Variants in RPS6KC1 observed in about 807,000 individuals in gnomAD.
The protein encoded by RPS6KC1 is inactive ribosomal protein S6 kinase delta-1.
RPS6KC1 carries 54 observed loss-of-function variants against 103.8 expected under a neutral mutation model. That is an observed-to-expected ratio of 0.52 (90% CI 0.42 to 0.65). The LOEUF is 0.65. Ranked by LOEUF, RPS6KC1 falls within the 30% of genes least tolerant of loss-of-function variation. The probability of loss-of-function intolerance (pLI) is 0.00; values close to 1 mark genes in which losing one functional copy is unlikely to be tolerated. For synonymous variants in RPS6KC1, 439 were observed against 438.7 expected, an observed-to-expected ratio of 1.00 and a Z score of -0.01; for missense variants, 1,151 against 1,253.8, an observed-to-expected ratio of 0.92 and a Z score of 1.24.
At chr1:213,557,304 C>T in the RPS6KC1 span, among the ~76,000 whole-genome samples, 2 of 152,202 alleles carry the variant, frequency 1.3e-5, no homozygotes, top group Admixed American at 6.5e-5. Context: ...CCTGGCATCA[C>T]CTTTTTCCTA....
the RPS6KC1 span, chr1:213,819,086 C>A: frequency 6.6e-6 from 1 of 152,198 alleles, no homozygotes; most frequent in Non-Finnish European, 1.5e-5. Flanking sequence ...ATCTCTTTCA[C>A]ACCTCACAAC....
the RPS6KC1 span, among the ~76,000 whole-genome samples, chr1:213,788,022 C>T: frequency 6.6e-6 from 1 of 152,184 alleles, no homozygotes; most frequent in Non-Finnish European, 1.5e-5. Context: ...TCTGCATTCA[C>T]TCTACCCAGT....
At chr1:213,427,930 A>G in the RPS6KC1 span, among the ~76,000 whole-genome samples, 1 of 152,234 alleles carries the variant, frequency 6.6e-6, no homozygotes, top group East Asian at 1.9e-4. Flanking sequence ...AACAACATCC[A>G]GGGACTGAGG....
Position 213,220,548 on chromosome 1 carries a change from A to T in RPS6KC1, c.1045-9949A>T, listed in dbSNP as rs181800851. ...ACCATGTTGGTCAGGCTGGTCTCGA[A>T]CTCCTGGCCTCAGCAATCTGCCCGC... is the stretch of plus-strand genomic sequence containing the variant. On this transcript the variant is annotated intron_variant, in intron 8 of 14. Coordinates refer to ENST00000366960, the MANE Select transcript of RPS6KC1 (RefSeq NM_012424.6). 4.6e-5 allele frequency among the ~76,000 whole-genome samples: 7 copies of T among 152,168 alleles called. No homozygotes were observed. In the East Asian group the frequency reaches 7.7e-4, roughly 17 times the overall value.
At chr1:213,749,304 G>T in the RPS6KC1 span, among the ~76,000 whole-genome samples, 1 of 152,170 alleles carries the variant, frequency 6.6e-6, no homozygotes, top group African/African-American at 2.4e-5. Context: ...GTAGGACATC[G>T]AAGAAGCCTA....
the RPS6KC1 span, among the ~76,000 whole-genome samples, chr1:213,462,981 T>A: frequency 6.6e-6 from 1 of 152,248 alleles, no homozygotes; most frequent in African/African-American, 2.4e-5. Context: ...CATATGTTGC[T>A]GTGTAGAGGC....
the RPS6KC1 span, among the ~76,000 whole-genome samples, chr1:213,842,451 G>A: frequency 6.6e-6 from 1 of 151,976 alleles, no homozygotes; most frequent in Admixed American, 6.6e-5. Flanking sequence ...CAAGATGCAG[G>A]GACTGTTAGC....
the RPS6KC1 span, among the ~76,000 whole-genome samples, chr1:213,443,619 C>T: frequency 8.6e-5 from 13 of 151,946 alleles, no homozygotes; most frequent in South Asian, 4.2e-4. Flanking sequence ...GGTGAGCTGT[C>T]GGAAGTTTTG....
At chr1:213,683,786 G>A in the RPS6KC1 span, among the ~76,000 whole-genome samples, 1 of 152,096 alleles carries the variant, frequency 6.6e-6, no homozygotes, top group Non-Finnish European at 1.5e-5. Flanking sequence ...TTCTTTGGTG[G>A]TGGGCAGGGG....
the RPS6KC1 span, among the ~76,000 whole-genome samples, chr1:213,445,756 G>A: frequency 6.6e-6 from 1 of 152,210 alleles, no homozygotes; most frequent in Non-Finnish European, 1.5e-5. Flanking sequence ...TGGGAAATGG[G>A]GACTGGAGCA....
the RPS6KC1 span, among the ~76,000 whole-genome samples, chr1:213,299,613 C>A: frequency 1.3e-5 from 2 of 150,518 alleles, no homozygotes; most frequent in African/African-American, 2.4e-5. Flanking sequence ...TTTCTAGTGG[C>A]CACATTAAAA....
chr1:213,545,436 AG>A, the RPS6KC1 span, among the ~76,000 whole-genome samples: 28,913 of 84,068 alleles, frequency 0.34, 3,629 homozygotes, highest in East Asian at 0.53. Flanking sequence ...AAAATAAAAG[AG>A]AGAGAGAGAG....
At chr1:213,199,115 A>G (rs2093058170) in intron 8 of RPS6KC1, among the ~76,000 whole-genome samples, 1 of 152,232 alleles carries the variant, frequency 6.6e-6, no homozygotes, top group African/African-American at 2.4e-5. Flanking sequence ...AAAATTGAGG[A>G]GGAGGGACTC....
At chr1:213,693,449 T>C in the RPS6KC1 span, among the ~76,000 whole-genome samples, 1 of 152,200 alleles carries the variant, frequency 6.6e-6, no homozygotes, top group African/African-American at 2.4e-5. Flanking sequence ...GAAATTTGTT[T>C]TGTTAAGGAT....
the RPS6KC1 span, among the ~76,000 whole-genome samples, chr1:213,799,069 A>G: frequency 6.6e-6 from 1 of 152,206 alleles, no homozygotes; most frequent in Admixed American, 6.5e-5. Context: ...TGGCTGGGTT[A>G]AGGTTACTCT....
the RPS6KC1 span, among the ~76,000 whole-genome samples, chr1:213,403,382 T>C: frequency 2.0e-4 from 30 of 152,110 alleles, no homozygotes; most frequent in Admixed American, 1.8e-3. Context: ...TCGAGGACTC[T>C]CTTTTTTTCT....
At chr1:213,358,568 C>G in the RPS6KC1 span, among the ~76,000 whole-genome samples, 1 of 151,844 alleles carries the variant, frequency 6.6e-6, no homozygotes, top group Non-Finnish European at 1.5e-5. Flanking sequence ...ATTTTGCTGA[C>G]CTTTTCAAAA....
At chr1:213,305,029 C>G in the RPS6KC1 span, among the ~76,000 whole-genome samples, 1 of 152,166 alleles carries the variant, frequency 6.6e-6, no homozygotes, top group African/African-American at 2.4e-5. Context: ...TTTGCTCTTA[C>G]AAGTAATGCT....
At chr1:213,754,573 C>A in the RPS6KC1 span, among the ~76,000 whole-genome samples, 1 of 152,324 alleles carries the variant, frequency 6.6e-6, no homozygotes, top group East Asian at 1.9e-4. Context: ...CCACCTCTCT[C>A]TCTCAGTCCT....
Sources: allele counts gnomAD v4.1 joint callset (sites outside exome capture counted in the v4.1 genomes callset), GRCh38; gene constraint gnomAD v4.1.1; transcripts MANE v1.5; gene names NCBI Gene and HGNC (gene_info 2026-07-23, HGNC 2026-07-21).